LRFN2: variants seen among roughly 807,000 people sequenced by gnomAD.
LRFN2 encodes the protein leucine-rich repeat and fibronectin type-III domain-containing protein 2.
LRFN2 carries 18 observed loss-of-function variants against 37.3 expected under a neutral mutation model. The observed-to-expected ratio is 0.48, with a 90% CI of 0.33 to 0.72. The LOEUF (loss-of-function observed/expected upper bound fraction) is 0.72, where lower values mean the gene tolerates loss of function less well. Ranked by LOEUF, LRFN2 falls within the 30% of genes least tolerant of loss-of-function variation. The pLI is 0.02. For synonymous variants in LRFN2, 556 were observed against 466.6 expected, an observed-to-expected ratio of 1.19 and a Z score of -2.47; for missense variants, 1,006 against 1,060.7, an observed-to-expected ratio of 0.95 and a Z score of 0.72.
intron 1 of LRFN2, among the ~76,000 whole-genome samples, chr6:40,509,538 C>A (rs905367714): frequency 2.0e-5 from 3 of 152,144 alleles, no homozygotes; most frequent in Non-Finnish European, 4.4e-5. Context: ...TGTGGGTATT[C>A]TAGGGAACAC....
At chr6:40,483,420 C>T (rs1764879501) in intron 1 of LRFN2, among the ~76,000 whole-genome samples, 1 of 152,198 alleles carries the variant, frequency 6.6e-6, no homozygotes. Flanking sequence ...TTCCTGGGGT[C>T]ACAGCACTTC....
At chr6:40,490,861 G>A (rs1765075802) in intron 1 of LRFN2, among the ~76,000 whole-genome samples, 1 of 152,168 alleles carries the variant, frequency 6.6e-6, no homozygotes, top group Non-Finnish European at 1.5e-5. Context: ...CTGACTTCCC[G>A]GCTTCCCTGG....
intron 1 of LRFN2, among the ~76,000 whole-genome samples, chr6:40,546,016 T>C (rs1461602386): frequency 6.6e-6 from 1 of 152,162 alleles, no homozygotes; most frequent in Non-Finnish European, 1.5e-5. Context: ...ACTAACCACA[T>C]TTTAGACAAG....
At position 40,432,326 on chromosome 6, in the gene LRFN2, T is replaced by G. The variant is rs560940048; in HGVS notation, c.788A>C (p.Glu263Ala). 6.2e-7 allele frequency: 1 copy of G among 1,614,138 alleles called. No individual in the cohort carries two copies. Among genetic ancestry groups the G allele is most frequent in the Non-Finnish European group, 8.5e-7 (1 of 1,180,036 alleles). Reference sequence around the variant, plus strand: ...GAGGCCCCCTGGGGAGCCACAGGTTTCCAGGTCATCGTCCCGCTCGAGCCT... The same window carrying G: ...GAGGCCCCCTGGGGAGCCACAGGTTGCCAGGTCATCGTCCCGCTCGAGCCT... ...LRRLERDDDL[E>A]TCGSPGGLKG... The change falls in exon 2 of 3, where the codon GAA (glutamate) becomes GCA (alanine). Residue 263 changes from glutamate (E) to alanine (A), a missense_variant. Glu to Ala is a moderately radical substitution (Grantham distance 107, BLOSUM62 -1). Transcript: ENST00000338305.
intron 1 of LRFN2, among the ~76,000 whole-genome samples, chr6:40,446,495 C>T (rs1763973052): frequency 6.6e-6 from 1 of 152,216 alleles, no homozygotes; most frequent in Non-Finnish European, 1.5e-5. Context: ...TTCCTCACTG[C>T]CAATGGCCTT....
At chr6:40,524,791 T>C (rs367832955) in intron 1 of LRFN2, among the ~76,000 whole-genome samples, 2 of 152,198 alleles carry the variant, frequency 1.3e-5, no homozygotes, top group Non-Finnish European at 2.9e-5. Context: ...ATCCTAATAG[T>C]AACAACTCAT....
chr6:40,427,169 G>A (rs2113819888), intron 2 of LRFN2, among the ~76,000 whole-genome samples: 1 of 152,350 alleles, frequency 6.6e-6, no homozygotes, highest in South Asian at 2.1e-4. Flanking sequence ...CCTATTTTCT[G>A]TGTAGTTATC....
chr6:40,554,418 G>T (rs897968498), intron 1 of LRFN2, among the ~76,000 whole-genome samples: 7 of 152,176 alleles, frequency 4.6e-5, no homozygotes, highest in Admixed American at 6.5e-5. Flanking sequence ...AGGGTGGATG[G>T]GTGGATGGAT....
At chr6:40,548,827 A>G (rs1230582696) in intron 1 of LRFN2, among the ~76,000 whole-genome samples, 1 of 152,204 alleles carries the variant, frequency 6.6e-6, no homozygotes, top group Non-Finnish European at 1.5e-5. Context: ...TCTTGCTACC[A>G]TGAGGAGGAA....
chr6:40,448,228 G>T (rs12198223), intron 1 of LRFN2, among the ~76,000 whole-genome samples: 39,797 of 152,080 alleles, frequency 0.26, 6,108 homozygotes, highest in Middle Eastern at 0.41. Context: ...ACTATGAAGA[G>T]GAGAAGCAGA....
intron 1 of LRFN2, among the ~76,000 whole-genome samples, chr6:40,460,373 A>G (rs947047606): frequency 2.9e-4 from 44 of 152,136 alleles, no homozygotes; most frequent in African/African-American, 1.1e-3. Flanking sequence ...CCGGATTTGC[A>G]TGCTCCTTTC....
intron 1 of LRFN2, among the ~76,000 whole-genome samples, chr6:40,553,701 C>T (rs1316977922): frequency 1.3e-5 from 2 of 152,180 alleles, no homozygotes; most frequent in Admixed American, 6.5e-5. Context: ...AATGAATTCG[C>T]CTCAGATTTA....
chr6:40,460,280 C>T (rs1764320363), intron 1 of LRFN2, among the ~76,000 whole-genome samples: 1 of 152,156 alleles, frequency 6.6e-6, no homozygotes, highest in South Asian at 2.1e-4. Context: ...AGGGTTCTGG[C>T]CACAGACCCA....
At chr6:40,439,300 C>A (rs1457552816) in intron 1 of LRFN2, among the ~76,000 whole-genome samples, 3 of 152,192 alleles carry the variant, frequency 2.0e-5, no homozygotes, top group Non-Finnish European at 4.4e-5. Context: ...TGCTCCAGGC[C>A]TGGAAAGTGT....
chr6:40,391,935 AC>A lies in LRFN2; in HGVS notation c.*7del. 2 of 1,505,398 alleles carry A rather than the reference AC, an allele frequency of 1.3e-6. No individual in the cohort carries two copies. Among genetic ancestry groups the A allele is most frequent in the Non-Finnish European group, 1.8e-6 (2 of 1,117,636 alleles). 93.3% of individuals were successfully genotyped at this position (1,505,398 alleles called of 1,614,324 possible). On this transcript the variant is annotated 3_prime_UTR_variant, in exon 3 of 3. Coordinates refer to ENST00000338305, the MANE Select transcript of LRFN2 (RefSeq NM_020737.3). ...TGCGCACAGGAAAGGGAGCATGCCC[AC>A]CCCCACCTAGACCGTGCTCTCCATC...
chr6:40,455,293 A>G (rs576323242), intron 1 of LRFN2, among the ~76,000 whole-genome samples: 2 of 152,268 alleles, frequency 1.3e-5, no homozygotes, highest in South Asian at 4.1e-4. Context: ...CAAACACATC[A>G]TGATCTCATG....
intron 1 of LRFN2, among the ~76,000 whole-genome samples, chr6:40,451,787 C>A (rs1318376153): frequency 2.0e-5 from 3 of 152,154 alleles, no homozygotes; most frequent in African/African-American, 7.2e-5. Context: ...TCAGGGGAGG[C>A]AAGGTGCCCC....
At chr6:40,505,026 G>A (rs1765495039) in intron 1 of LRFN2, among the ~76,000 whole-genome samples, 1 of 152,340 alleles carries the variant, frequency 6.6e-6, no homozygotes, top group South Asian at 2.1e-4. Context: ...ATGGCAGAGG[G>A]CAGAGGTGAA....
chr6:40,485,270 G>T (rs561500550), intron 1 of LRFN2, among the ~76,000 whole-genome samples: 1 of 152,044 alleles, frequency 6.6e-6, no homozygotes, highest in Non-Finnish European at 1.5e-5. Flanking sequence ...CCCTTCTCCC[G>T]GGCATCGTGG....
Sources: allele counts gnomAD v4.1 joint callset (sites outside exome capture counted in the v4.1 genomes callset), GRCh38; gene constraint gnomAD v4.1.1; transcripts MANE v1.5; gene names NCBI Gene and HGNC (gene_info 2026-07-23, HGNC 2026-07-21).